The following SERINC5 variants were observed in gnomAD, a reference collection of about 807,000 sequenced individuals.
SERINC5 encodes chromosome 5 open reading frame 12.
Under a neutral mutation model 63.1 loss-of-function variants are expected in SERINC5, and 41 were observed. That is an observed-to-expected ratio of 0.65 (90% CI 0.51 to 0.84). The LOEUF (loss-of-function observed/expected upper bound fraction) is 0.84. SERINC5 is among the 40% of genes least tolerant of loss of function. The probability of loss-of-function intolerance (pLI) is 0.00; values close to 1 mark genes in which losing one functional copy is unlikely to be tolerated. For missense variants in SERINC5, 523 were observed against 573.0 expected, an observed-to-expected ratio of 0.91 and a Z score of 0.89; for synonymous variants, 222 against 215.2, an observed-to-expected ratio of 1.03 and a Z score of -0.28.
At chr5:80,238,508 G>C (rs1444985057) in intron 1 of SERINC5, among the ~76,000 whole-genome samples, 2 of 152,190 alleles carry the variant, frequency 1.3e-5, no homozygotes, top group Non-Finnish European at 2.9e-5. Flanking sequence ...TCCAGAGCCA[G>C]GCATGGTGGC....
rs1561367265 is a variant in SERINC5, at chr5:80,147,298, AG to A, written c.1054-15del. The A allele has an allele frequency of 2.5e-6, 4 of 1,604,764 alleles. 1 individual carries two copies. In the South Asian group the frequency reaches 3.4e-5, roughly 14 times the overall value. Reference sequence around the variant, plus strand: ...ACAGCGAGCTATCTGTGAAAGCAAAAGCAACAGTCAGGCGGCTTGTGTTCTA... The same window carrying A: ...ACAGCGAGCTATCTGTGAAAGCAAAACAACAGTCAGGCGGCTTGTGTTCTA... On this transcript the variant is annotated splice_polypyrimidine_tract_variant and intron_variant, in intron 9 of 11. Transcript: ENST00000507668.
chr5:80,186,028 C>T (rs1748775394), intron 2 of SERINC5, among the ~76,000 whole-genome samples: 1 of 140,118 alleles, frequency 7.1e-6, no homozygotes, highest in South Asian at 2.3e-4. Flanking sequence ...CCGATTTAAA[C>T]ATGGTGGGAA....
intron 1 of SERINC5, among the ~76,000 whole-genome samples, chr5:80,253,027 G>C (rs1239555628): frequency 6.6e-6 from 1 of 152,132 alleles, no homozygotes; most frequent in African/African-American, 2.4e-5. Context: ...AAGAAACTTG[G>C]GTTTTCCTCA....
At chr5:80,137,142 AAAAAAAAAAAAAAAAAAAAAAC>A (rs1745217607), downstream of SERINC5, among the ~76,000 whole-genome samples, 2 of 103,300 alleles carry the variant, frequency 1.9e-5, no homozygotes, top group African/African-American at 8.7e-5. Context: ...CCTGTCTCAA[AAAAAAAAAAAAAAAAAAAAAAC>A]AAAAAAAACA....
downstream of SERINC5, among the ~76,000 whole-genome samples, chr5:80,137,073 G>A (rs915548622): frequency 8.2e-5 from 12 of 146,660 alleles, no homozygotes; most frequent in East Asian, 2.2e-4. Flanking sequence ...GAGGCTGACA[G>A]AGGTTGCAGT....
chr5:80,162,789 G>A (rs1747025092), intron 7 of SERINC5, among the ~76,000 whole-genome samples: 1 of 151,892 alleles, frequency 6.6e-6, no homozygotes, highest in Non-Finnish European at 1.5e-5. Context: ...AAATGGGACT[G>A]GCTTCTTGAT....
At chr5:80,166,551 T>G (rs956463342) in intron 6 of SERINC5, 73 bp from the exon 7 acceptor site, 50 of 959,192 alleles carry the variant, frequency 5.2e-5, no homozygotes, top group Middle Eastern at 4.2e-4. Context: ...AAAAACCTGA[T>G]AGTCCCCATG....
intron 9 of SERINC5, among the ~76,000 whole-genome samples, chr5:80,149,951 C>T (rs531620455): frequency 1.3e-5 from 2 of 152,294 alleles, no homozygotes; most frequent in African/African-American, 4.8e-5. Flanking sequence ...AAGAAAATAA[C>T]AGACATTTTG....
chr5:80,137,150 A>C (rs1310279401), downstream of SERINC5, among the ~76,000 whole-genome samples: 6 of 126,364 alleles, frequency 4.7e-5, no homozygotes, highest in East Asian at 2.0e-4. Flanking sequence ...AAAAAAAAAA[A>C]AAAAAAAAAA....
chr5:80,195,972 A>G (rs73128084), intron 2 of SERINC5, among the ~76,000 whole-genome samples: 6,476 of 152,222 alleles, frequency 0.043, 475 homozygotes, highest in African/African-American at 0.15. Flanking sequence ...GGCAGCTGGG[A>G]ACATCTGGGA....
chr5:80,251,411 T>C (rs1490644150), intron 1 of SERINC5, among the ~76,000 whole-genome samples: 1 of 152,196 alleles, frequency 6.6e-6, no homozygotes, highest in Non-Finnish European at 1.5e-5. Context: ...TGGGCATTCC[T>C]GCCTTGCATA....
In SERINC5 at chr5:80,177,411, G is replaced by GAAAAA; in HGVS notation, c.375-19_375-15dup. ...AAGAACCAAAAGCTAGAAGTGGGGGGAAAAAAAAGAGGAAATGTATTTAAA... is the reference window on the plus strand; with the variant it reads ...AAGAACCAAAAGCTAGAAGTGGGGGGAAAAAAAAAAAAAGAGGAAATGTATTTAAA... On this transcript the variant is annotated splice_polypyrimidine_tract_variant and intron_variant, in intron 3 of 11. Transcript: ENST00000507668. 6.3e-7 allele frequency: 1 copy of GAAAAA among 1,583,796 alleles called. No homozygotes were observed. Among genetic ancestry groups the GAAAAA allele is most frequent in the Admixed American group, 1.7e-5 (1 of 58,376 alleles).
At chr5:80,126,618 G>T (rs1314705271) in intron 11 of SERINC5, among the ~76,000 whole-genome samples, 3 of 152,196 alleles carry the variant, frequency 2.0e-5, no homozygotes, top group African/African-American at 4.8e-5. Flanking sequence ...GTTGTGAGAT[G>T]TATTTTTCTA....
chr5:80,166,096 T>C (rs1471074369), intron 7 of SERINC5, among the ~76,000 whole-genome samples: 1 of 152,216 alleles, frequency 6.6e-6, no homozygotes, highest in Non-Finnish European at 1.5e-5. Context: ...TGATCTTTTG[T>C]GTTATACAAG....
intron 1 of SERINC5, among the ~76,000 whole-genome samples, chr5:80,243,743 TTAAATAAATAAATAAA>T (rs70982044): frequency 1.1e-4 from 15 of 140,080 alleles, no homozygotes; most frequent in South Asian, 4.6e-4. Context: ...CTGTCTCTAT[TTAAATAAATAAATAAA>T]TAAATAAATA....
Position 80,173,589 on chromosome 5 carries a change from C to CT in SERINC5, c.551+1364dup, listed in dbSNP as rs1335296127. 4.7e-5 allele frequency among the ~76,000 whole-genome samples: 7 copies of CT among 150,010 alleles called. No individual in the cohort carries two copies. In the East Asian group the frequency reaches 1.4e-3, roughly 29 times the overall value. ...CCAGCCTGGGCGACAGAACGAGACT[C>CT]TGTCTCAAAAGAAAAGAAAAGAAAA... is the stretch of plus-strand genomic sequence containing the variant. On this transcript the variant is annotated intron_variant, in intron 5 of 11. Coordinates refer to ENST00000507668, the MANE Select transcript of SERINC5 (RefSeq NM_001174072.3).
intron 1 of SERINC5, among the ~76,000 whole-genome samples, chr5:80,235,299 T>C (rs538315016): frequency 3.9e-5 from 6 of 152,352 alleles, no homozygotes; most frequent in African/African-American, 1.4e-4. Flanking sequence ...TAATATTCCA[T>C]TGTTAATTTC....
chr5:80,151,021 C>T, intron 8 of SERINC5, 73 bp from the exon 9 acceptor site: 1 of 1,098,162 alleles, frequency 9.1e-7, no homozygotes, highest in Non-Finnish European at 1.4e-6. Flanking sequence ...GGAAAGCCGG[C>T]TGGCCAGTGC....
chr5:80,145,678 T>A (rs570762729), intron 11 of SERINC5, among the ~76,000 whole-genome samples: 1 of 152,296 alleles, frequency 6.6e-6, no homozygotes, highest in South Asian at 2.1e-4. Context: ...TCCATTTTCT[T>A]AAAGTTGCCA....
Sources: gnomAD v4.1 joint callset for allele counts (sites outside exome capture counted in the v4.1 genomes callset) on GRCh38, gnomAD v4.1.1 for gene constraint, MANE v1.5 for transcripts, NCBI Gene and HGNC (gene_info 2026-07-23, HGNC 2026-07-21) for gene names.